Variants in EPB41L4A observed in about 807,000 individuals in gnomAD.
The protein encoded by EPB41L4A is band 4.1-like protein 4A.
Under a neutral mutation model 108.6 loss-of-function variants are expected in EPB41L4A, and 100 were observed. The observed-to-expected ratio is 0.92, with a 90% CI of 0.78 to 1.09. The LOEUF (loss-of-function observed/expected upper bound fraction) is 1.09, where lower values mean the gene tolerates loss of function less well. Ranked by LOEUF, EPB41L4A falls within the 50% of genes least tolerant of loss-of-function variation. EPB41L4A has a pLI of 0.00. For synonymous variants in EPB41L4A, 319 were observed against 289.0 expected (o/e 1.10, Z -1.05); for missense variants, 1,030 against 842.7 (o/e 1.22, Z -2.75).
intron 1 of EPB41L4A, among the ~76,000 whole-genome samples, chr5:112,354,016 T>C (rs1363200142): frequency 3.3e-5 from 5 of 152,138 alleles, no homozygotes; most frequent in Non-Finnish European, 5.9e-5. Flanking sequence ...AAACCATATA[T>C]GTAGTAAAGA....
chr5:112,350,628 C>A (rs112644393), intron 1 of EPB41L4A, among the ~76,000 whole-genome samples: 1,648 of 152,296 alleles, frequency 0.011, 28 homozygotes, highest in African/African-American at 0.038. Context: ...TCATTCCCTG[C>A]AAGCTCCAAA....
intron 13 of EPB41L4A, chr5:112,207,160 C>T (rs572632005): frequency 1.3e-5 from 2 of 152,172 alleles, no homozygotes; most frequent in African/African-American, 4.8e-5. Context: ...TGATCTTCAA[C>T]AAAAGCAACT....
At chr5:112,268,314 G>A (rs1035767724) in intron 4 of EPB41L4A, among the ~76,000 whole-genome samples, 2 of 152,128 alleles carry the variant, frequency 1.3e-5, no homozygotes, top group African/African-American at 4.8e-5. Context: ...GGAGGCAGAG[G>A]TTGCCATGAG....
intron 2 of EPB41L4A, among the ~76,000 whole-genome samples, chr5:112,291,238 C>T (rs533696307): frequency 1.8e-4 from 27 of 152,312 alleles, no homozygotes; most frequent in Admixed American, 4.6e-4. Flanking sequence ...CTTTCCACTT[C>T]ATCACCCTCT....
chr5:112,240,448 T>C (rs1196632332), intron 10 of EPB41L4A, among the ~76,000 whole-genome samples: 1 of 152,206 alleles, frequency 6.6e-6, no homozygotes, highest in African/African-American at 2.4e-5. Context: ...GCTGCATGTT[T>C]TACATAAACC....
intron 17 of EPB41L4A, among the ~76,000 whole-genome samples, chr5:112,186,240 C>A (rs1761422375): frequency 6.6e-6 from 1 of 152,126 alleles, no homozygotes; most frequent in Admixed American, 6.5e-5. Context: ...AGAGGTCAAA[C>A]CTGCTAACAA....
rs552884252 is a variant in EPB41L4A at position 112,235,742 on chromosome 5, A to G, written c.966-987T>C. Among the ~76,000 whole-genome samples the G allele has an allele frequency of 1.3e-3, 196 of 152,286 alleles. 3 individuals carry two copies. The highest frequency in any genetic ancestry group is 4.5e-3 in the African/African-American group (189 of 41,558). On this transcript the variant is annotated intron_variant, in intron 11 of 22. Coordinates refer to ENST00000261486, the MANE Select transcript of EPB41L4A (RefSeq NM_022140.5). ...TTTATTAAAAATGAAGATGCCTACA[A>G]AACTTATAAAAATGACTCTGCATCA...
chr5:112,333,743 T>C lies in EPB41L4A; in HGVS notation c.100-26253A>G, dbSNP rs145244722. Among the ~76,000 whole-genome samples the C allele has an allele frequency of 2.1e-4, 32 of 152,316 alleles. No individual in the cohort carries two copies. The East Asian group carries it at 4.8e-3, about 23-fold the overall frequency. ...GTCACCAGTTCTCTTTTTGCATAAA[T>C]GCTTTTCTGGCAACCCGGCTGTCTG... On this transcript the variant is annotated intron_variant, in intron 1 of 22. Coordinates refer to ENST00000261486, the MANE Select transcript of EPB41L4A (RefSeq NM_022140.5).
At chr5:112,408,131 T>A (rs532148461) in intron 1 of EPB41L4A, among the ~76,000 whole-genome samples, 7 of 152,196 alleles carry the variant, frequency 4.6e-5, no homozygotes, top group Non-Finnish European at 8.8e-5. Context: ...TGATTTTTTT[T>A]ATAAGGGTGC....
chr5:112,216,399 G>T (rs1456499123), intron 12 of EPB41L4A, among the ~76,000 whole-genome samples: 4 of 152,134 alleles, frequency 2.6e-5, no homozygotes, highest in Non-Finnish European at 5.9e-5. Context: ...TAGAGTGAGG[G>T]TGAAGGCTGA....
intron 1 of EPB41L4A, among the ~76,000 whole-genome samples, chr5:112,405,424 A>C (rs1415769112): frequency 2.6e-5 from 4 of 152,180 alleles, no homozygotes; most frequent in Non-Finnish European, 5.9e-5. Context: ...GGTTCTTTTA[A>C]AGCTGCTAAG....
intron 1 of EPB41L4A, among the ~76,000 whole-genome samples, chr5:112,377,285 C>T (rs1323587949): frequency 2.0e-5 from 3 of 150,890 alleles, no homozygotes; most frequent in South Asian, 4.2e-4. Flanking sequence ...TTGAATATAT[C>T]GATTATCAAT....
intron 13 of EPB41L4A, among the ~76,000 whole-genome samples, chr5:112,208,814 C>G (rs1227067502): frequency 6.6e-6 from 1 of 152,200 alleles, no homozygotes; most frequent in African/African-American, 2.4e-5. Context: ...ATGGAAGATT[C>G]CTGTTCTTAT....
At chr5:112,336,799 T>G (rs532557689) in intron 1 of EPB41L4A, among the ~76,000 whole-genome samples, 1 of 152,218 alleles carries the variant, frequency 6.6e-6, no homozygotes, top group Non-Finnish European at 1.5e-5. Context: ...GCTTTCAGAA[T>G]TGACAAATGT....
chr5:112,215,852 G>A (rs529944982), intron 12 of EPB41L4A, among the ~76,000 whole-genome samples: 2 of 152,086 alleles, frequency 1.3e-5, no homozygotes, highest in South Asian at 2.1e-4. Flanking sequence ...ATGTCAGTCG[G>A]GGAGTGCTAT....
chr5:112,208,615 G>A (rs746708223), intron 13 of EPB41L4A, among the ~76,000 whole-genome samples: 2 of 152,128 alleles, frequency 1.3e-5, no homozygotes, highest in Admixed American at 6.5e-5. Context: ...TACCTATCAC[G>A]TACTGTGCTC....
At chr5:112,194,244 A>G (rs1404106064) in intron 17 of EPB41L4A, among the ~76,000 whole-genome samples, 1 of 152,326 alleles carries the variant, frequency 6.6e-6, no homozygotes, top group African/African-American at 2.4e-5. Context: ...TCAGGGAGAA[A>G]TCTATCTACG....
At chr5:112,330,249 A>G (rs1756472258) in intron 1 of EPB41L4A, among the ~76,000 whole-genome samples, 1 of 151,674 alleles carries the variant, frequency 6.6e-6, no homozygotes, top group African/African-American at 2.4e-5. Flanking sequence ...AGTCCCTGGG[A>G]TTAGAGTTGT....
At chr5:112,204,207 G>A (rs555984188) in intron 15 of EPB41L4A, among the ~76,000 whole-genome samples, 168 bp downstream of exon 15, 9 of 152,042 alleles carry the variant, frequency 5.9e-5, no homozygotes, top group Non-Finnish European at 8.8e-5. Flanking sequence ...GGCTGTTTAC[G>A]ATAAATACTT....
Sources: allele counts gnomAD v4.1 joint callset (sites outside exome capture counted in the v4.1 genomes callset), GRCh38; gene constraint gnomAD v4.1.1; transcripts MANE v1.5; gene names NCBI Gene and HGNC (gene_info 2026-07-23, HGNC 2026-07-21).